Variants in PTPRO observed in about 807,000 individuals in gnomAD.
PTPRO encodes protein tyrosine phosphatase receptor type O, also known as receptor-type tyrosine-protein phosphatase O.
In PTPRO, 62 loss-of-function variants were observed where a neutral mutation model predicts 145.2. The ratio of observed to expected loss-of-function variants is 0.43; its 90% CI spans 0.35 to 0.53. The LOEUF (loss-of-function observed/expected upper bound fraction) is 0.53, where lower values mean the gene tolerates loss of function less well. Ranked by LOEUF, PTPRO falls within the 20% of genes least tolerant of loss-of-function variation. The probability of loss-of-function intolerance (pLI) is 0.01; values close to 1 mark genes in which losing one functional copy is unlikely to be tolerated. For synonymous variants in PTPRO, 565 were observed against 514.7 expected, an observed-to-expected ratio of 1.10 and a Z score of -1.32; for missense variants, 1,345 against 1,482.7, an observed-to-expected ratio of 0.91 and a Z score of 1.53.
intron 1 of PTPRO, among the ~76,000 whole-genome samples, chr12:15,462,780 A>G (rs542805791): frequency 5.3e-5 from 8 of 152,252 alleles, no homozygotes; most frequent in African/African-American, 1.9e-4. Flanking sequence ...TATGCTAGCT[A>G]TTACAATTGT....
chr12:15,569,358 T>C (rs1228172732), intron 18 of PTPRO, 59 bp from the exon 19 acceptor site: 3 of 1,354,376 alleles, frequency 2.2e-6, no homozygotes, highest in Non-Finnish European at 3.2e-6. Context: ...TTAAACAATA[T>C]ATAATACCTA....
At chr12:15,371,107 C>A (rs1433026736) in intron 1 of PTPRO, among the ~76,000 whole-genome samples, 2 of 152,106 alleles carry the variant, frequency 1.3e-5, no homozygotes, top group Non-Finnish European at 2.9e-5. Flanking sequence ...TAATGATTTT[C>A]CAAGTTTTCC....
In PTPRO at chr12:15,589,609, T is replaced by C; in HGVS notation, c.3546+19T>C. 2 of 1,613,670 alleles carry C rather than the reference T, an allele frequency of 1.2e-6. No individual in the cohort carries two copies. The highest frequency in any genetic ancestry group is 2.2e-5 in the East Asian group (1 of 44,844). On this transcript the variant is annotated intron_variant, in intron 25 of 26. Coordinates refer to ENST00000281171, the MANE Select transcript of PTPRO (RefSeq NM_030667.3). Reference sequence around the variant, plus strand: ...GACAGAGGTAGGAACATAATCTATATGTATTTTTAAATTTTCCCTGGACTG... The same window carrying C: ...GACAGAGGTAGGAACATAATCTATACGTATTTTTAAATTTTCCCTGGACTG...
At chr12:15,469,077 G>A (rs183003054) in intron 1 of PTPRO, among the ~76,000 whole-genome samples, 2 of 152,294 alleles carry the variant, frequency 1.3e-5, no homozygotes, top group East Asian at 3.9e-4. Flanking sequence ...CTATCATCAG[G>A]ATTTAATTAA....
chr12:15,575,374 G>C (rs577222011), intron 19 of PTPRO, among the ~76,000 whole-genome samples: 1 of 152,246 alleles, frequency 6.6e-6, no homozygotes, highest in African/African-American at 2.4e-5. Flanking sequence ...AGGCTAGTTG[G>C]AATTTCTCCA....
intron 1 of PTPRO, among the ~76,000 whole-genome samples, chr12:15,431,390 A>G (rs1940434633): frequency 3.3e-5 from 5 of 152,154 alleles, no homozygotes; most frequent in Admixed American, 1.3e-4. Context: ...TATACCATAT[A>G]ATTATTTATC....
At chr12:15,360,386 T>C (rs1938136208) in intron 1 of PTPRO, among the ~76,000 whole-genome samples, 2 of 152,172 alleles carry the variant, frequency 1.3e-5, no homozygotes, top group South Asian at 4.1e-4. Flanking sequence ...CATATAGTGA[T>C]ACACTCTGTC....
chr12:15,463,756 C>G (rs1240251732), intron 1 of PTPRO, among the ~76,000 whole-genome samples: 2 of 152,116 alleles, frequency 1.3e-5, no homozygotes, highest in Non-Finnish European at 2.9e-5. Flanking sequence ...TACTAGCTCT[C>G]TTTGTTTGTC....
rs770223567 is a variant in PTPRO at position 15,581,776 on chromosome 12, C to A, written c.3230C>A (p.Ala1077Asp). The A allele has an allele frequency of 6.2e-7, 1 of 1,613,916 alleles. No individual in the cohort carries two copies. The highest frequency in any genetic ancestry group is 8.5e-7 in the Non-Finnish European group (1 of 1,179,900). Residue 1077 changes from alanine to aspartate, a missense_variant, in exon 23 of 27, where the codon GCC becomes GAC. Ala to Asp is a moderately radical substitution (Grantham distance 126). Transcript: ENST00000281171. ...TCAGAGGAAGAGCAGGACGACTGGG[C>A]CTGTAGACACTTCCGGATCAACTAT... ...MISEEEQDDW[A>D]CRHFRINYAD...
In PTPRO at chr12:15,591,871, A is replaced by C. The variant is rs1396955945; in HGVS notation, c.3546+2281A>C. On this transcript the variant is annotated intron_variant, in intron 25 of 26. Coordinates refer to ENST00000281171, the MANE Select transcript of PTPRO (RefSeq NM_030667.3). Reference sequence around the variant, plus strand: ...AGCAAGACTCCGTCTCAAAAAAAAAACCCCATAAAATAATTAATTAAAATT... The same window carrying C: ...AGCAAGACTCCGTCTCAAAAAAAAACCCCCATAAAATAATTAATTAAAATT... Among the ~76,000 whole-genome samples the C allele has an allele frequency of 4.0e-5, 6 of 151,854 alleles. No homozygotes were observed. The East Asian group carries it at 5.8e-4, about 15-fold the overall frequency.
Position 15,508,743 on chromosome 12 carries a change from G to A in PTPRO, c.1440G>A (p.Arg480=). The change falls in exon 7 of 27, where the codon AGG becomes AGA. Residue 480 remains arginine, a synonymous_variant. Transcript: ENST00000281171. ...LTCQKQKESQ[R]LEKQYCTQVN... ...GCCAGAAACAAAAGGAGAGCCAGAG[G>A]CTTGAAAAGCAGTACTGCACTCAGG... 1 of 1,614,084 alleles carries A rather than the reference G, an allele frequency of 6.2e-7. No individual in the cohort carries two copies. Among genetic ancestry groups the A allele is most frequent in the Non-Finnish European group, 8.5e-7 (1 of 1,179,998 alleles).
intron 24 of PTPRO, among the ~76,000 whole-genome samples, chr12:15,587,919 A>G (rs1304979432): frequency 6.6e-6 from 1 of 152,230 alleles, no homozygotes; most frequent in African/African-American, 2.4e-5. Context: ...TAGAATGACT[A>G]GAATGAGGAA....
chr12:15,442,218 C>T (rs938266832), intron 1 of PTPRO, among the ~76,000 whole-genome samples: 2 of 152,050 alleles, frequency 1.3e-5, no homozygotes, highest in Non-Finnish European at 2.9e-5. Context: ...ATAAATGTGA[C>T]TCACCACATA....
At chr12:15,536,067 T>G (rs2136548189) in intron 12 of PTPRO, among the ~76,000 whole-genome samples, 1 of 152,304 alleles carries the variant, frequency 6.6e-6, no homozygotes, top group African/African-American at 2.4e-5. Flanking sequence ...AAATTATTCA[T>G]CCTGTGAATC....
chr12:15,399,535 T>G (rs943248509), intron 1 of PTPRO, among the ~76,000 whole-genome samples: 28 of 152,340 alleles, frequency 1.8e-4, no homozygotes, highest in African/African-American at 6.0e-4. Context: ...CTAGAAGCAC[T>G]TTGAAGGCAG....
At chr12:15,344,691 C>A (rs1291871725) in intron 1 of PTPRO, among the ~76,000 whole-genome samples, 1 of 152,130 alleles carries the variant, frequency 6.6e-6, no homozygotes, top group Admixed American at 6.5e-5. Context: ...ATATGCTGAT[C>A]TGAATTCAAT....
rs865891045 is a variant in PTPRO at position 15,549,115 on chromosome 12, C to T, written c.2326C>T (p.His776Tyr). The T allele has an allele frequency of 6.2e-7, 1 of 1,613,420 alleles. No homozygotes were observed. The highest frequency in any genetic ancestry group is 1.1e-5 in the South Asian group (1 of 91,036). ...CCAGGAACCAGTTGCTGTTTCTTCC[C>T]ATGTCGTGACCATCTCCAGCCTTCT... Reference protein sequence around the residue: ...KLQEPVAVSSHVVTISSLLPA... With the variant: ...KLQEPVAVSSYVVTISSLLPA... Residue 776 changes from histidine to tyrosine, a missense_variant, in exon 14 of 27, where the codon CAT (histidine) becomes TAT (tyrosine). His to Tyr is a moderately conservative substitution (Grantham distance 83, BLOSUM62 2). Transcript: ENST00000281171.
intron 10 of PTPRO, among the ~76,000 whole-genome samples, chr12:15,523,520 A>G (rs896876214): frequency 3.9e-5 from 6 of 152,190 alleles, no homozygotes; most frequent in African/African-American, 9.7e-5. Context: ...CACGCCTGAA[A>G]TCCCAGCACT....
At position 15,428,536 on chromosome 12, in the gene PTPRO, T is replaced by C. The variant is rs1009634930; in HGVS notation, c.76-55438T>C. Among the ~76,000 whole-genome samples the C allele has an allele frequency of 2.6e-5, 4 of 152,270 alleles. No homozygotes were observed. The South Asian group carries it at 8.3e-4, about 32-fold the overall frequency. ...ACCCCAAAGTACTTTGTATTGTGCT[T>C]GCAACTTTTCTGTAAGTTAAAATTA... On this transcript the variant is annotated intron_variant, in intron 1 of 26. Coordinates refer to ENST00000281171, the MANE Select transcript of PTPRO (RefSeq NM_030667.3).
Sources: allele counts gnomAD v4.1 joint callset (sites outside exome capture counted in the v4.1 genomes callset), GRCh38; gene constraint gnomAD v4.1.1; transcripts MANE v1.5; gene names NCBI Gene and HGNC (gene_info 2026-07-23, HGNC 2026-07-21).